IMPA2: variants seen among roughly 807,000 people sequenced by gnomAD.
IMPA2 encodes inositol monophosphatase 2, also known as IMP 2.
Under a neutral mutation model 35.1 loss-of-function variants are expected in IMPA2, and 32 were observed. The observed-to-expected ratio is 0.91, with a 90% confidence interval of 0.69 to 1.23. IMPA2 has a LOEUF of 1.23. IMPA2 is among the 50% of genes most tolerant of loss of function. The pLI is 0.00. For synonymous variants in IMPA2, 135 were observed against 160.6 expected (o/e 0.84, Z 1.20); for missense variants, 334 against 387.6 (o/e 0.86, Z 1.16).
chr18:12,020,253 G>T (rs1383301020), intron 5 of IMPA2, among the ~76,000 whole-genome samples: 1 of 152,044 alleles, frequency 6.6e-6, no homozygotes, highest in Non-Finnish European at 1.5e-5. Flanking sequence ...GAGTGCAGTG[G>T]TGAGATTTCA....
chr18:11,981,690 C>T lies in IMPA2; in HGVS notation c.21C>T (p.Asp7=). The T allele has an allele frequency of 8.1e-7, 1 of 1,230,682 alleles. No individual in the cohort carries two copies. The highest frequency in any genetic ancestry group is 1.0e-6 in the Non-Finnish European group (1 of 987,008). The allele number at this position is 1,230,682 out of a possible 1,614,324, so 76.2% of individuals were successfully genotyped here. A position where few individuals can be genotyped will look rare whatever the true frequency, so the allele number is the denominator to read the frequency against. The change falls in exon 1 of 8, where the codon GAC becomes GAT. Residue 7 remains aspartate, a synonymous_variant. Coordinates refer to ENST00000269159, the MANE Select transcript of IMPA2 (RefSeq NM_014214.3). The part of the protein sequence containing the change: MKPSGE[D]QAALAAGPWE... ...CCGCGATGAAGCCGAGCGGCGAGGA[C>T]CAGGCGGCGCTGGCGGCCGGCCCCT...
At chr18:12,018,975 C>T (rs1374136422) in intron 5 of IMPA2, among the ~76,000 whole-genome samples, 1 of 152,060 alleles carries the variant, frequency 6.6e-6, no homozygotes. Context: ...AGGTGCTCAC[C>T]ACCATGCCCG....
At chr18:12,001,020 G>A (rs986945580) in intron 2 of IMPA2, among the ~76,000 whole-genome samples, 2 of 151,284 alleles carry the variant, frequency 1.3e-5, no homozygotes, top group Non-Finnish European at 3.0e-5. Flanking sequence ...TCACGAGTGA[G>A]GAGTTCAAGA....
At chr18:11,992,346 G>A (rs1422423423) in intron 1 of IMPA2, among the ~76,000 whole-genome samples, 1 of 152,204 alleles carries the variant, frequency 6.6e-6, no homozygotes, top group African/African-American at 2.4e-5. Context: ...ACTGCACTCT[G>A]GCAAGGCTCC....
At chr18:12,000,681 T>C (rs1337685196) in intron 2 of IMPA2, among the ~76,000 whole-genome samples, 2 of 148,088 alleles carry the variant, frequency 1.4e-5, no homozygotes, top group South Asian at 4.3e-4. Flanking sequence ...AGTGGCGTGA[T>C]CTTGGCTCAC....
chr18:12,012,345 AG>A, intron 4 of IMPA2, 130 bp downstream of exon 4: 2 of 767,342 alleles, frequency 2.6e-6, no homozygotes, highest in Non-Finnish European at 4.4e-6. Context: ...GGCAAATCCA[AG>A]CCTGTGGGTT....
In IMPA2 at chr18:11,991,168, AG is replaced by A. The variant is rs1906802144; in HGVS notation, c.97-7882del. Among the ~76,000 whole-genome samples, 1 of 152,174 alleles carries A rather than the reference AG, an allele frequency of 6.6e-6. No individual in the cohort carries two copies. Among genetic ancestry groups the A allele is most frequent in the Non-Finnish European group, 1.5e-5 (1 of 68,024 alleles). On this transcript the variant is annotated intron_variant, in intron 1 of 7. Coordinates refer to ENST00000269159, the MANE Select transcript of IMPA2 (RefSeq NM_014214.3). The surrounding 1 kb of genome is among the most constrained non-coding windows in gnomAD (Gnocchi z 4.1). ...TAGGAGGAAAGCCACGAGGGGAGGC[AG>A]GGGCCACAGGCCACGGGCCCTGGAA...
intron 5 of IMPA2, among the ~76,000 whole-genome samples, chr18:12,016,864 A>ATAG (rs1431502045): frequency 6.6e-6 from 1 of 152,262 alleles, no homozygotes; most frequent in Non-Finnish European, 1.5e-5. Context: ...AGCACCCAGC[A>ATAG]TAGTGCCTGG....
chr18:12,014,526 G>A (rs1907525074), intron 5 of IMPA2, among the ~76,000 whole-genome samples, 153 bp downstream of exon 5: 1 of 152,134 alleles, frequency 6.6e-6, no homozygotes, highest in East Asian at 1.9e-4. Context: ...AACTGGAAAT[G>A]GAGCCAGTTC....
intron 5 of IMPA2, among the ~76,000 whole-genome samples, chr18:12,021,065 C>G (rs556713299): frequency 1.9e-4 from 29 of 152,054 alleles, no homozygotes; most frequent in Non-Finnish European, 3.7e-4. Context: ...TTCTAGAGCT[C>G]CCTCTTCATT....
At chr18:12,000,334 C>CTTTT (rs533943091) in intron 2 of IMPA2, among the ~76,000 whole-genome samples, 2 of 111,264 alleles carry the variant, frequency 1.8e-5, no homozygotes, top group African/African-American at 6.7e-5. Context: ...CCACCTGGCT[C>CTTTT]TTTTTTTTTT....
chr18:12,013,442 G>T lies in IMPA2; in HGVS notation c.382-823G>T, dbSNP rs192839233. Among the ~76,000 whole-genome samples, 14 of 152,296 alleles carry T rather than the reference G, an allele frequency of 9.2e-5. No homozygotes were observed. The East Asian group carries it at 2.7e-3, about 29-fold the overall frequency. On this transcript the variant is annotated intron_variant, in intron 4 of 7. Coordinates refer to ENST00000269159, the MANE Select transcript of IMPA2 (RefSeq NM_014214.3). Reference sequence around the variant, plus strand: ...ACCGCCAGAAATAAACCCTTTCTCTGTAGCTTGGGGTGTCCACTCTAGGGT... The same window carrying T: ...ACCGCCAGAAATAAACCCTTTCTCTTTAGCTTGGGGTGTCCACTCTAGGGT...
intron 1 of IMPA2, among the ~76,000 whole-genome samples, chr18:11,993,751 G>A (rs1352644665): frequency 6.6e-6 from 1 of 152,204 alleles, no homozygotes; most frequent in Admixed American, 6.5e-5. Flanking sequence ...ACAGGCAGAA[G>A]GTGGCCAGGG....
At chr18:12,013,550 A>G (rs995466628) in intron 4 of IMPA2, among the ~76,000 whole-genome samples, 2 of 152,168 alleles carry the variant, frequency 1.3e-5, no homozygotes, top group African/African-American at 4.8e-5. Context: ...AGAGGTGAAC[A>G]CTTGGCTAAC....
intron 6 of IMPA2, 120 bp downstream of exon 6, chr18:12,028,271 C>T: frequency 1.5e-6 from 1 of 676,936 alleles, no homozygotes; most frequent in Non-Finnish European, 2.6e-6. Context: ...GGGAGGGGCA[C>T]ATGAACATCA....
At chr18:12,028,326 C>G in intron 6 of IMPA2, 175 bp downstream of exon 6, 1 of 593,166 alleles carries the variant, frequency 1.7e-6, no homozygotes, top group Non-Finnish European at 3.0e-6. Flanking sequence ...GTAGATACTC[C>G]TATAGCCAGG....
At chr18:11,995,489 C>T (rs1906935670) in intron 1 of IMPA2, among the ~76,000 whole-genome samples, 1 of 152,234 alleles carries the variant, frequency 6.6e-6, no homozygotes, top group Non-Finnish European at 1.5e-5. Context: ...GAAGGGGAGA[C>T]TGGACGTTTG....
chr18:12,012,198 T>C lies in IMPA2; in HGVS notation c.364T>C (p.Phe122Leu). The C allele has an allele frequency of 6.2e-7, 1 of 1,614,196 alleles. No homozygotes were observed. The highest frequency in any genetic ancestry group is 8.5e-7 in the Non-Finnish European group (1 of 1,180,010). The change falls in exon 4 of 8, where the codon TTT (phenylalanine) becomes CTT (leucine). Residue 122 changes from phenylalanine to leucine, a missense_variant. Transcript: ENST00000269159. ...RFPTVAVSIGFAVRQELEFGV... is the reference protein window; with the variant it reads ...RFPTVAVSIGLAVRQELEFGV... Reference sequence around the variant, plus strand: ...CCCGACTGTGGCGGTTAGCATTGGATTTGCTGTTCGACAAGAGGTGCGGGT... The same window carrying C: ...CCCGACTGTGGCGGTTAGCATTGGACTTGCTGTTCGACAAGAGGTGCGGGT...
intron 1 of IMPA2, among the ~76,000 whole-genome samples, chr18:11,986,522 CT>C (rs918025463): frequency 6.6e-6 from 1 of 152,192 alleles, no homozygotes; most frequent in African/African-American, 2.4e-5. Context: ...ACCTCTGGCT[CT>C]TCAGGGCAGA....
Sources: allele counts gnomAD v4.1 joint callset (sites outside exome capture counted in the v4.1 genomes callset), GRCh38; gene constraint gnomAD v4.1.1; non-coding constraint Gnocchi (gnomAD v3.1); transcripts MANE v1.5; gene names NCBI Gene and HGNC (gene_info 2026-07-23, HGNC 2026-07-21).